Variants in AGFG2 observed in about 807,000 individuals in gnomAD.
AGFG2 encodes the protein arf-GAP domain and FG repeat-containing protein 2.
In AGFG2, 31 loss-of-function variants were observed where a neutral mutation model predicts 48.0. The observed-to-expected ratio is 0.65, with a 90% CI of 0.49 to 0.87. AGFG2 has a LOEUF of 0.87. Among genes scored for constraint, AGFG2 ranks in the 40% least tolerant of loss-of-function variants. The pLI is 0.00. For missense variants in AGFG2, 599 were observed against 632.6 expected (o/e 0.95, Z 0.57); for synonymous variants, 229 against 260.8 (o/e 0.88, Z 1.18).
intron 9 of AGFG2, 133 bp from the exon 10 acceptor site, chr7:100,563,701 T>G: frequency 7.5e-7 from 1 of 1,340,404 alleles, no homozygotes; most frequent in Non-Finnish European, 1.0e-6. Context: ...AAGAGTTCCA[T>G]GGCTGGGTCC....
At position 100,567,120 on chromosome 7, in the gene AGFG2, T is replaced by G. The variant is rs776566215; in HGVS notation, c.*2129T>G. On this transcript the variant is annotated 3_prime_UTR_variant, in exon 12 of 12. Coordinates refer to ENST00000300176, the MANE Select transcript of AGFG2 (RefSeq NM_006076.5). ...CCAGCCCACAAGGACTCCAGCCTGC[T>G]GGCTGGTGAGAGCTGGATGAGCAGT... is the stretch of plus-strand genomic sequence containing the variant. 4 of 152,758 alleles carry G rather than the reference T, an allele frequency of 2.6e-5. No homozygotes were observed. The highest frequency in any genetic ancestry group is 5.9e-5 in the Non-Finnish European group (4 of 68,130). 9.5% of individuals were successfully genotyped at this position (152,758 alleles called of 1,614,324 possible).
At position 100,564,996 on chromosome 7, in the gene AGFG2, G is replaced by A; in HGVS notation, c.*5G>A. On this transcript the variant is annotated 3_prime_UTR_variant, in exon 12 of 12. Transcript: ENST00000300176. Reference sequence around the variant, plus strand: ...ACCACCAACCCCTTCTTGTAGCACTGTGTTTTTGGGGGGCCTCTTCCCTGC... The same window carrying A: ...ACCACCAACCCCTTCTTGTAGCACTATGTTTTTGGGGGGCCTCTTCCCTGC... 1 of 1,613,720 alleles carries A rather than the reference G, an allele frequency of 6.2e-7. No homozygotes were observed. The highest frequency in any genetic ancestry group is 8.5e-7 in the Non-Finnish European group (1 of 1,179,850).
chr7:100,547,341 G>A (rs375814758), intron 1 of AGFG2, among the ~76,000 whole-genome samples: 79 of 151,488 alleles, frequency 5.2e-4, no homozygotes, highest in African/African-American at 1.9e-3. Flanking sequence ...TTCCCCCTTT[G>A]CGCTTCCTGA....
chr7:100,551,474 G>A (rs1279999280), intron 3 of AGFG2, among the ~76,000 whole-genome samples: 4 of 151,520 alleles, frequency 2.6e-5, no homozygotes, highest in African/African-American at 9.7e-5. Context: ...CAAAGTGCTG[G>A]GATTACAGGC....
Position 100,556,600 on chromosome 7 carries a change from G to A in AGFG2, c.877+865G>A, listed in dbSNP as rs1359241409. Reference sequence around the variant, plus strand: ...TCTCCACCCTCACTGCCAGCCAGTCGGATGCTAACTGAAAGTTACAGCTTT... The same window carrying A: ...TCTCCACCCTCACTGCCAGCCAGTCAGATGCTAACTGAAAGTTACAGCTTT... On this transcript the variant is annotated intron_variant, in intron 6 of 11. Transcript: ENST00000300176. 13 of 1,288,990 alleles carry A rather than the reference G, an allele frequency of 1.0e-5. No homozygotes were observed. The East Asian group carries it at 2.2e-4, about 22-fold the overall frequency. The allele number at this position is 1,288,990 out of a possible 1,614,324, so 79.8% of individuals were successfully genotyped here. A position where few individuals can be genotyped will look rare whatever the true frequency, so the allele number is the denominator to read the frequency against.
At chr7:100,558,232 A>T (rs778092876) in intron 6 of AGFG2, among the ~76,000 whole-genome samples, 7 of 152,156 alleles carry the variant, frequency 4.6e-5, no homozygotes, top group Non-Finnish European at 7.3e-5. Flanking sequence ...AAAAAAACAA[A>T]AGAAAATATC....
At chr7:100,543,833 C>A (rs1463892777) in intron 1 of AGFG2, among the ~76,000 whole-genome samples, 5 of 152,172 alleles carry the variant, frequency 3.3e-5, no homozygotes, top group Non-Finnish European at 7.3e-5. Flanking sequence ...CATACTGCCA[C>A]AATTGTAGGT....
intron 1 of AGFG2, among the ~76,000 whole-genome samples, chr7:100,544,198 G>A (rs1406378057): frequency 6.6e-6 from 1 of 152,172 alleles, no homozygotes; most frequent in Non-Finnish European, 1.5e-5. Context: ...AGCAAAGTAT[G>A]ACATATTTCC....
At chr7:100,554,994 T>G (rs1044837920) in intron 5 of AGFG2, among the ~76,000 whole-genome samples, 56 of 150,952 alleles carry the variant, frequency 3.7e-4, no homozygotes, top group African/African-American at 1.2e-3. Flanking sequence ...AAAAAAATTT[T>G]CATGCTCCAA....
At chr7:100,544,596 C>T (rs1375931127) in intron 1 of AGFG2, among the ~76,000 whole-genome samples, 1 of 152,086 alleles carries the variant, frequency 6.6e-6, no homozygotes, top group Non-Finnish European at 1.5e-5. Context: ...ATGTTGACCT[C>T]TGCTGGGCAG....
chr7:100,554,421 G>A (rs1197286424), intron 5 of AGFG2, among the ~76,000 whole-genome samples, 163 bp downstream of exon 5: 1 of 152,200 alleles, frequency 6.6e-6, no homozygotes, highest in Non-Finnish European at 1.5e-5. Flanking sequence ...AATAAGTACA[G>A]CCAGGATTAT....
intron 5 of AGFG2, among the ~76,000 whole-genome samples, chr7:100,555,213 A>G (rs973429083): frequency 6.7e-6 from 1 of 149,608 alleles, no homozygotes; most frequent in Non-Finnish European, 1.5e-5. Context: ...TAGCTATATT[A>G]CATGGATAGG....
chr7:100,565,338 G>T lies in AGFG2; in HGVS notation c.*347G>T. On this transcript the variant is annotated 3_prime_UTR_variant, in exon 12 of 12. Coordinates refer to ENST00000300176, the MANE Select transcript of AGFG2 (RefSeq NM_006076.5). Reference sequence around the variant, plus strand: ...CGCCAGCGCTGTGCTCCTCATGGACGGGAGCGCAGTGGGGAAGGTAGGGGA... The same window carrying T: ...CGCCAGCGCTGTGCTCCTCATGGACTGGAGCGCAGTGGGGAAGGTAGGGGA... The T allele has an allele frequency of 3.1e-6, 1 of 323,664 alleles. No individual in the cohort carries two copies. The highest frequency in any genetic ancestry group is 5.8e-6 in the Non-Finnish European group (1 of 171,486). 20.0% of individuals were successfully genotyped at this position (323,664 alleles called of 1,614,324 possible). A position where few individuals can be genotyped will look rare whatever the true frequency, so the allele number is the denominator to read the frequency against.
At chr7:100,548,092 C>A (rs1021471774) in intron 1 of AGFG2, among the ~76,000 whole-genome samples, 1 of 152,214 alleles carries the variant, frequency 6.6e-6, no homozygotes, top group Non-Finnish European at 1.5e-5. Flanking sequence ...AGGTCTAAAA[C>A]AATGATAAAG....
At chr7:100,558,178 C>T (rs1199448973) in intron 6 of AGFG2, among the ~76,000 whole-genome samples, 2 of 152,128 alleles carry the variant, frequency 1.3e-5, no homozygotes, top group Non-Finnish European at 2.9e-5. Flanking sequence ...CGTGCTGTTG[C>T]GCTCCAGCCT....
intron 1 of AGFG2, among the ~76,000 whole-genome samples, chr7:100,543,058 ATAT>A (rs1241158460): frequency 6.6e-6 from 1 of 151,786 alleles, no homozygotes; most frequent in Non-Finnish European, 1.5e-5. Flanking sequence ...AAGAGAAGAA[ATAT>A]TATTATTAAT....
At chr7:100,547,245 G>T in intron 1 of AGFG2, among the ~76,000 whole-genome samples, 1 of 148,438 alleles carries the variant, frequency 6.7e-6, no homozygotes, top group African/African-American at 2.5e-5. Context: ...GATTCTGTGT[G>T]TGCACCTGTT....
At position 100,562,892 on chromosome 7, in the gene AGFG2, G is replaced by A. The variant is rs538174486; in HGVS notation, c.1117G>A (p.Ala373Thr). 9 of 1,613,904 alleles carry A rather than the reference G, an allele frequency of 5.6e-6. No individual in the cohort carries two copies. The highest frequency in any genetic ancestry group is 2.2e-5 in the East Asian group (1 of 44,896). ...CACTAACCCTTTCACAGCTCCCGCC[G>A]CCCAGTCCCCGCTGCCTTCCACCAA... is the stretch of plus-strand genomic sequence containing the variant. ...AFTNPFTAPAAQSPLPSTNPF... is the reference protein window; with the variant it reads ...AFTNPFTAPATQSPLPSTNPF... Residue 373 changes from alanine to threonine, a missense_variant, in exon 9 of 12, where the codon GCC (alanine) becomes ACC (threonine). Physicochemically the swap from Ala to Thr is moderately conservative, Grantham distance 58. Transcript: ENST00000300176. The surrounding 1 kb of genome is among the most constrained non-coding windows in gnomAD (Gnocchi z 5.4).
At chr7:100,550,281 C>T (rs536898675) in intron 2 of AGFG2, 115 bp from the exon 3 acceptor site, 36 of 705,370 alleles carry the variant, frequency 5.1e-5, no homozygotes, top group South Asian at 1.3e-4. Flanking sequence ...CACTCCAGCC[C>T]GGCGACAGAG....
Sources: gnomAD v4.1 joint callset for allele counts (sites outside exome capture counted in the v4.1 genomes callset) on GRCh38, gnomAD v4.1.1 for gene constraint, Gnocchi (gnomAD v3.1) non-coding constraint, MANE v1.5 for transcripts, NCBI Gene and HGNC (gene_info 2026-07-23, HGNC 2026-07-21) for gene names.